The following COL1A2 variants were observed in gnomAD, a reference collection of about 807,000 sequenced individuals.
COL1A2 encodes the protein collagen type I alpha 2 chain.
Under a neutral mutation model 174.3 loss-of-function variants are expected in COL1A2, and 49 were observed. That is an observed-to-expected ratio of 0.28 (90% CI 0.22 to 0.36). The LOEUF (loss-of-function observed/expected upper bound fraction) is 0.36. Ranked by LOEUF, COL1A2 falls within the 10% of genes least tolerant of loss-of-function variation. The probability of loss-of-function intolerance (pLI) is 1.00; values close to 1 mark genes in which losing one functional copy is unlikely to be tolerated. For missense variants in COL1A2, 1,438 were observed against 1,822.7 expected, an observed-to-expected ratio of 0.79 and a Z score of 3.84; for synonymous variants, 655 against 606.6, an observed-to-expected ratio of 1.08 and a Z score of -1.17.
intron 30 of COL1A2, among the ~76,000 whole-genome samples, chr7:94,416,176 C>T (rs113739723): frequency 3.3e-5 from 5 of 152,238 alleles, no homozygotes; most frequent in African/African-American, 9.6e-5. Context: ...CTAGAAGCAA[C>T]GAATTCTGGA....
intron 31 of COL1A2, 118 bp from the exon 32 acceptor site, chr7:94,417,606 T>C: frequency 1.2e-6 from 1 of 844,490 alleles, no homozygotes; most frequent in South Asian, 1.4e-5. Context: ...CTTCTTTGTG[T>C]TTCAAAGCAG....
intron 51 of COL1A2, 118 bp downstream of exon 51, chr7:94,429,548 C>G: frequency 1.2e-5 from 12 of 1,020,756 alleles, no homozygotes; most frequent in Non-Finnish European, 1.8e-5. Flanking sequence ...AATGAGAGAA[C>G]TAACTTATTT....
chr7:94,414,163 T>C, intron 28 of COL1A2, 59 bp from the exon 29 acceptor site: 2 of 1,576,160 alleles, frequency 1.3e-6, no homozygotes, highest in Non-Finnish European at 1.7e-6. Context: ...AACTCAATTA[T>C]TAGCAAATCT....
chr7:94,405,712 T>C lies in COL1A2; in HGVS notation c.526T>C (p.Phe176Leu), dbSNP rs370234887. 5.3e-5 allele frequency: 85 copies of C among 1,613,482 alleles called. No individual in the cohort carries two copies. The highest frequency in any genetic ancestry group is 1.7e-5 in the Admixed American group (1 of 60,006). The change falls in exon 11 of 52, where the codon TTC becomes CTC. Residue 176 changes from phenylalanine (F) to leucine (L), a missense_variant. This residue lies in a region of COL1A2 where 281 missense variants were observed against 310.9 expected (regional missense o/e 0.90). Coordinates refer to ENST00000297268, the MANE Select transcript of COL1A2 (RefSeq NM_000089.4). The stretch of plus-strand genomic sequence containing the variant: ...CCCTGGAACTCCTGGACTTCCTGGC[T>C]TCAAAGGCATTAGGGTGAGCACATT... ...GFPGTPGLPG[F>L]KGIRGHNGLD... is the part of the protein sequence containing the mutation.
rs1001138014 is a variant in COL1A2 at position 94,413,564 on chromosome 7, C to A, written c.1558-126C>A. 17 of 941,844 alleles carry A rather than the reference C, an allele frequency of 1.8e-5. No individual in the cohort carries two copies. In the East Asian group the frequency reaches 4.0e-4, roughly 22 times the overall value. 58.3% of individuals were successfully genotyped at this position (941,844 alleles called of 1,614,324 possible). On this transcript the variant is annotated intron_variant, in intron 26 of 51. Transcript: ENST00000297268. ...GCAGTATTTGGGCTTTCGTGGGAAC[C>A]CACAATGAGTTTAATTCATGCTAAA... is the stretch of plus-strand genomic sequence containing the variant.
chr7:94,428,386 A>C lies in COL1A2; in HGVS notation c.3620A>C (p.Gln1207Pro). The C allele has an allele frequency of 6.2e-7, 1 of 1,614,138 alleles. No homozygotes were observed. Among genetic ancestry groups the C allele is most frequent in the Non-Finnish European group, 8.5e-7 (1 of 1,179,992 alleles). ...ACTGGCGAAACCTGTATCCGGGCCC[A>C]ACCTGAAAACATCCCAGCCAAGAAC... Reference protein sequence around the residue: ...FSTGETCIRAQPENIPAKNWY... With the variant: ...FSTGETCIRAPPENIPAKNWY... Residue 1207 changes from glutamine to proline, a missense_variant, in exon 50 of 52, where the codon CAA becomes CCA. Around this residue, in one of 3 missense-constraint regions of COL1A2, gnomAD observed 290 missense variants for 298.1 expected, o/e 0.97. Transcript: ENST00000297268.
At chr7:94,413,837 C>G in intron 27 of COL1A2, 57 bp from the exon 28 acceptor site, 1 of 1,608,418 alleles carries the variant, frequency 6.2e-7, no homozygotes. Flanking sequence ...AGTTATACAG[C>G]TAGACAACAG....
intron 3 of COL1A2, 55 bp downstream of exon 3, chr7:94,398,451 TTAAC>T (rs1791624762): frequency 6.5e-6 from 5 of 766,506 alleles, no homozygotes; most frequent in East Asian, 4.2e-5. Flanking sequence ...ATAACATAAT[TTAAC>T]TAAATTTATA....
intron 6 of COL1A2, among the ~76,000 whole-genome samples, chr7:94,402,115 T>C (rs1312352217): frequency 6.6e-6 from 1 of 152,136 alleles, no homozygotes; most frequent in African/African-American, 2.4e-5. Context: ...TTAAGCCCTT[T>C]TCTCAAAGTC....
chr7:94,420,839 C>G, intron 37 of COL1A2, 170 bp from the exon 38 acceptor site: 1 of 869,648 alleles, frequency 1.1e-6, no homozygotes, highest in Non-Finnish European at 1.9e-6. Flanking sequence ...TATTTTAATT[C>G]TCTGATAACC....
intron 33 of COL1A2, among the ~76,000 whole-genome samples, chr7:94,418,911 A>T (rs111665595): frequency 8.6e-5 from 13 of 151,826 alleles, no homozygotes; most frequent in African/African-American, 2.7e-4. Context: ...TGCTTTAGGA[A>T]GCCGGGACCT....
intron 40 of COL1A2, 115 bp downstream of exon 40, chr7:94,423,233 G>A: frequency 4.9e-6 from 6 of 1,225,694 alleles, no homozygotes; most frequent in Non-Finnish European, 7.1e-6. Context: ...CTCTCAAGTA[G>A]AGCTCAGTTG....
At chr7:94,408,140 A>T (rs1274364383) in intron 13 of COL1A2, 43 bp from the exon 14 acceptor site, 1 of 1,601,598 alleles carries the variant, frequency 6.2e-7, no homozygotes, top group Non-Finnish European at 8.5e-7. Flanking sequence ...GACTTTTTTT[A>T]AATTAGCATT....
chr7:94,397,722 C>A (rs73214210), intron 1 of COL1A2, 26 bp from the exon 2 acceptor site: 9 of 1,220,986 alleles, frequency 7.4e-6, no homozygotes, highest in Non-Finnish European at 1.1e-5. Context: ...TAATTGTTTC[C>A]TACTTTTTCT....
At chr7:94,408,141 A>T in intron 13 of COL1A2, 42 bp from the exon 14 acceptor site, 1 of 1,603,830 alleles carries the variant, frequency 6.2e-7, no homozygotes, top group South Asian at 1.1e-5. Context: ...ACTTTTTTTA[A>T]ATTAGCATTC....
In COL1A2 at chr7:94,425,230, T is replaced by C; in HGVS notation, c.2781+6T>C. 1.9e-6 allele frequency: 3 copies of C among 1,611,406 alleles called. No homozygotes were observed. The highest frequency in any genetic ancestry group is 2.5e-6 in the Non-Finnish European group (3 of 1,177,560). On this transcript the variant is annotated splice_donor_region_variant and intron_variant, in intron 42 of 51. Transcript: ENST00000297268. ...CTGGTGAAGCTGGTCGTGATGTGAG[T>C]CCAACACTTGGTTTGTAAAATAAAA...
At position 94,419,499 on chromosome 7, in the gene COL1A2, G is replaced by C. The variant is rs66883877; in HGVS notation, c.2027G>C (p.Gly676Ala). 4.3e-6 allele frequency: 7 copies of C among 1,613,868 alleles called. No homozygotes were observed. The highest frequency in any genetic ancestry group is 5.9e-6 in the Non-Finnish European group (7 of 1,180,000). The change falls in exon 34 of 52, where the codon GGT becomes GCT. Residue 676 changes from glycine to alanine, a missense_variant and splice_region_variant. Coordinates refer to ENST00000297268, the MANE Select transcript of COL1A2 (RefSeq NM_000089.4). ...IGNPGRDGAR[G>A]APGAVGAPGP... ...GACATGTTTCCTTTTTGGTACTAGG[G>C]TGCTCCTGGTGCTGTAGGTGCCCCT...
At chr7:94,425,555 G>T in intron 42 of COL1A2, 55 bp from the exon 43 acceptor site, 4 of 1,552,154 alleles carry the variant, frequency 2.6e-6, no homozygotes, top group Middle Eastern at 1.7e-4. Flanking sequence ...CAACATAGGG[G>T]CTGGTAGGCA....
intron 4 of COL1A2, chr7:94,399,961 A>C: frequency 1.6e-6 from 1 of 620,272 alleles, no homozygotes; most frequent in Non-Finnish European, 2.9e-6. Context: ...GTATGAATTA[A>C]TATTCAATGG....
Sources: gnomAD v4.1 joint callset for allele counts (sites outside exome capture counted in the v4.1 genomes callset) on GRCh38, gnomAD v4.1.1 for gene constraint, gnomAD v4.1.1 regional missense constraint, MANE v1.5 for transcripts, NCBI Gene and HGNC (gene_info 2026-07-23, HGNC 2026-07-21) for gene names.